The following STYK1 variants were observed in gnomAD, a reference collection of about 807,000 sequenced individuals.
STYK1 encodes the protein STY kinase 1.
In STYK1, 46 loss-of-function variants were observed where a neutral mutation model predicts 48.1. That is an observed-to-expected ratio of 0.96 (90% confidence interval 0.75 to 1.22). The LOEUF (loss-of-function observed/expected upper bound fraction) is 1.22. Among genes scored for constraint, STYK1 ranks in the 50% most tolerant of loss-of-function variants. STYK1 has a pLI of 0.00. For synonymous variants in STYK1, 188 were observed against 189.0 expected, an observed-to-expected ratio of 0.99 and a Z score of 0.04; for missense variants, 527 against 521.1, an observed-to-expected ratio of 1.01 and a Z score of -0.11.
At chr12:10,630,093 A>C (rs1947408110) in intron 5 of STYK1, among the ~76,000 whole-genome samples, 1 of 124,672 alleles carries the variant, frequency 8.0e-6, no homozygotes, top group Non-Finnish European at 1.6e-5. Context: ...GAGAGAGAGA[A>C]ATATAATGTA....
At chr12:10,622,368 A>G (rs1338529429) in intron 9 of STYK1, among the ~76,000 whole-genome samples, 8 of 152,224 alleles carry the variant, frequency 5.3e-5, no homozygotes. Context: ...ATTTGAAAAC[A>G]TCCCTTGGAT....
At chr12:10,671,287 G>A (rs1440290150) in intron 1 of STYK1, among the ~76,000 whole-genome samples, 3 of 152,094 alleles carry the variant, frequency 2.0e-5, no homozygotes, top group Non-Finnish European at 4.4e-5. Context: ...GAGCCACCAC[G>A]CCTGGCCATG....
intron 1 of STYK1, among the ~76,000 whole-genome samples, chr12:10,642,502 T>C (rs12302213): frequency 0.04 from 6,152 of 152,242 alleles, 424 homozygotes; most frequent in African/African-American, 0.14. Flanking sequence ...TCCCTCTTCC[T>C]CCCTTCCTTC....
chr12:10,655,967 TA>T (rs1220269402), intron 1 of STYK1, among the ~76,000 whole-genome samples: 2 of 152,238 alleles, frequency 1.3e-5, no homozygotes, highest in Admixed American at 1.3e-4. Context: ...CTCAGTTGAC[TA>T]AATTGTTGAT....
rs34019110 is a variant in STYK1, at chr12:10,663,598, C to CAA, written c.-195+10366_-195+10367dup. On this transcript the variant is annotated intron_variant, in intron 1 of 10. Coordinates refer to ENST00000075503, the MANE Select transcript of STYK1 (RefSeq NM_018423.3). ...TGGGCGACAGAACGAGACTCTGTCT[C>CAA]AAAAAAAAAAAAAAAAAAAAAAAAA... Among the ~76,000 whole-genome samples the CAA allele has an allele frequency of 3.8e-3, 194 of 51,484 alleles. 27 individuals carry two copies. The highest frequency in any genetic ancestry group is 7.1e-3 in the African/African-American group (104 of 14,652). The allele number at this position is 51,484 out of a possible 152,430, so 33.8% of individuals were successfully genotyped here. A position where few individuals can be genotyped will look rare whatever the true frequency, so the allele number is the denominator to read the frequency against.
intron 1 of STYK1, among the ~76,000 whole-genome samples, chr12:10,659,863 A>G (rs2120782360): frequency 6.6e-6 from 1 of 152,344 alleles, no homozygotes; most frequent in East Asian, 1.9e-4. Context: ...ATGAGGAGAT[A>G]GAAAAATTGT....
At chr12:10,648,038 G>A (rs971221417) in intron 1 of STYK1, among the ~76,000 whole-genome samples, 1 of 152,112 alleles carries the variant, frequency 6.6e-6, no homozygotes, top group Non-Finnish European at 1.5e-5. Context: ...TCCTCTTAGA[G>A]ATTATGATGA....
At chr12:10,652,228 T>C (rs2120746072) in intron 1 of STYK1, among the ~76,000 whole-genome samples, 1 of 152,330 alleles carries the variant, frequency 6.6e-6, no homozygotes, top group Non-Finnish European at 1.5e-5. Flanking sequence ...GATTCTACAT[T>C]GGCAGCCACT....
chr12:10,660,240 C>A (rs1025180819), intron 1 of STYK1, among the ~76,000 whole-genome samples: 1 of 152,124 alleles, frequency 6.6e-6, no homozygotes, highest in African/African-American at 2.4e-5. Context: ...TTAAATTGAA[C>A]ACTTATTAAT....
intron 3 of STYK1, 122 bp from the exon 4 acceptor site, chr12:10,634,246 C>A: frequency 1.7e-6 from 2 of 1,153,298 alleles, no homozygotes; most frequent in Non-Finnish European, 2.5e-6. Flanking sequence ...CTTCTACCAT[C>A]TCCTCTACTT....
chr12:10,644,042 A>G (rs1252936860), intron 1 of STYK1, among the ~76,000 whole-genome samples: 2 of 152,238 alleles, frequency 1.3e-5, no homozygotes, highest in African/African-American at 4.8e-5. Context: ...CAACACTTAG[A>G]TGGAACTTAA....
intron 1 of STYK1, among the ~76,000 whole-genome samples, chr12:10,665,863 T>C (rs1565575669): frequency 1.3e-5 from 2 of 152,214 alleles, no homozygotes; most frequent in African/African-American, 2.4e-5. Flanking sequence ...CCTTGAGCCC[T>C]GTGAGGAAAG....
chr12:10,634,209 A>C, intron 3 of STYK1, 85 bp from the exon 4 acceptor site: 1 of 1,464,820 alleles, frequency 6.8e-7, no homozygotes, highest in Non-Finnish European at 9.3e-7. Flanking sequence ...GCCAGCTCTC[A>C]GCTCATCATA....
chr12:10,625,800 T>C (rs1010898179), intron 7 of STYK1, among the ~76,000 whole-genome samples: 1 of 152,190 alleles, frequency 6.6e-6, no homozygotes, highest in Non-Finnish European at 1.5e-5. Flanking sequence ...TGAGAGCTTT[T>C]TAAACATAAG....
At position 10,620,588 on chromosome 12, in the gene STYK1, A is replaced by C. The variant is rs544060449; in HGVS notation, c.1065-240T>G. Among the ~76,000 whole-genome samples the C allele has an allele frequency of 2.0e-5, 3 of 152,344 alleles. No individual in the cohort carries two copies. In the South Asian group the frequency reaches 6.2e-4, roughly 32 times the overall value. ...AATAGGAATGACTTAACATTTTCCA[A>C]ACTAGGGTATGACAGGACAGTTTTA... On this transcript the variant is annotated intron_variant, in intron 10 of 10. Coordinates refer to ENST00000075503, the MANE Select transcript of STYK1 (RefSeq NM_018423.3).
At chr12:10,624,613 T>C in intron 8 of STYK1, 38 bp downstream of exon 8, 2 of 1,589,600 alleles carry the variant, frequency 1.3e-6, no homozygotes, top group Non-Finnish European at 1.7e-6. Flanking sequence ...ACCCAAGTCA[T>C]GAAGAAAGTA....
At chr12:10,635,340 A>G (rs932045121) in intron 2 of STYK1, among the ~76,000 whole-genome samples, 1 of 152,214 alleles carries the variant, frequency 6.6e-6, no homozygotes. Flanking sequence ...ATAACAAATA[A>G]AAAATTGACA....
At chr12:10,657,116 TG>T (rs1947727875) in intron 1 of STYK1, among the ~76,000 whole-genome samples, 1 of 152,218 alleles carries the variant, frequency 6.6e-6, no homozygotes, top group African/African-American at 2.4e-5. Flanking sequence ...CCATAGGAGG[TG>T]GGCTGATTTC....
chr12:10,650,971 C>T (rs373473663), intron 1 of STYK1, among the ~76,000 whole-genome samples: 11 of 149,030 alleles, frequency 7.4e-5, no homozygotes, highest in African/African-American at 2.7e-4. Flanking sequence ...TGCCACTGCA[C>T]TCCAGCCTGG....
Sources: allele counts gnomAD v4.1 joint callset (sites outside exome capture counted in the v4.1 genomes callset), GRCh38; gene constraint gnomAD v4.1.1; transcripts MANE v1.5; gene names NCBI Gene and HGNC (gene_info 2026-07-23, HGNC 2026-07-21).